AOX1: variants seen among roughly 807,000 people sequenced by gnomAD.
The protein encoded by AOX1 is aldehyde oxidase 1.
Under a neutral mutation model 169.5 loss-of-function variants are expected in AOX1, and 153 were observed. The ratio of observed to expected loss-of-function variants is 0.90; its 90% CI spans 0.79 to 1.03. The LOEUF is 1.03. Ranked by LOEUF, AOX1 falls within the 50% of genes least tolerant of loss-of-function variation. The probability of loss-of-function intolerance (pLI) is 0.00; values close to 1 mark genes in which losing one functional copy is unlikely to be tolerated. For synonymous variants in AOX1, 562 were observed against 581.9 expected (o/e 0.97, Z 0.49); for missense variants, 1,656 against 1,663.9 (o/e 1.00, Z 0.08).
chr2:200,602,595 C>T (rs1394176689), intron 6 of AOX1, among the ~76,000 whole-genome samples: 1 of 152,134 alleles, frequency 6.6e-6, no homozygotes, highest in African/African-American at 2.4e-5. Flanking sequence ...TCCAAGAGGT[C>T]TTTCCTGACC....
chr2:200,659,481 C>T (rs1379158676), intron 28 of AOX1, among the ~76,000 whole-genome samples, 188 bp downstream of exon 28: 2 of 152,308 alleles, frequency 1.3e-5, no homozygotes, highest in South Asian at 2.1e-4. Flanking sequence ...CTCCCTCACT[C>T]CTGACATTTT....
At chr2:200,644,920 T>C (rs1315960177) in intron 25 of AOX1, among the ~76,000 whole-genome samples, 1 of 152,172 alleles carries the variant, frequency 6.6e-6, no homozygotes, top group African/African-American at 2.4e-5. Context: ...TGCTGAATTC[T>C]TTTATCAGTT....
intron 12 of AOX1, 25 bp from the exon 13 acceptor site, chr2:200,611,359 G>A (rs1303964935): frequency 6.6e-7 from 1 of 1,513,830 alleles, no homozygotes; most frequent in East Asian, 2.3e-5. Flanking sequence ...ACAGATCCCA[G>A]GGAAAGTGTC....
intron 19 of AOX1, 89 bp downstream of exon 19, chr2:200,624,072 G>A (rs891884670): frequency 1.3e-6 from 2 of 1,529,512 alleles, no homozygotes; most frequent in Non-Finnish European, 1.8e-6. Context: ...AGGAAAATGT[G>A]GCTCAAAGTG....
intron 20 of AOX1, among the ~76,000 whole-genome samples, chr2:200,629,492 C>T (rs1168631827): frequency 6.6e-6 from 1 of 152,154 alleles, no homozygotes; most frequent in Non-Finnish European, 1.5e-5. Flanking sequence ...AAGATTTTCT[C>T]CTTATAGGAA....
At position 200,638,309 on chromosome 2, in the gene AOX1, A is replaced by C; in HGVS notation, c.2568+7A>C. 1 of 1,612,294 alleles carries C rather than the reference A, an allele frequency of 6.2e-7. No homozygotes were observed. The highest frequency in any genetic ancestry group is 8.5e-7 in the Non-Finnish European group (1 of 1,178,486). ...TTACCTTGGAAAGTACAAAGTGAGT[A>C]CAAGAGGGCATGGAGGAAGGATTTA... On this transcript the variant is annotated splice_region_variant and intron_variant, in intron 23 of 34. Coordinates refer to ENST00000374700, the MANE Select transcript of AOX1 (RefSeq NM_001159.4).
At chr2:200,617,877 A>G (rs982252659) in intron 16 of AOX1, among the ~76,000 whole-genome samples, 5 of 152,210 alleles carry the variant, frequency 3.3e-5, no homozygotes, top group African/African-American at 9.7e-5. Flanking sequence ...AATTCCTACC[A>G]TCTGCAACAT....
rs750314683 is a variant in AOX1 at position 200,612,778 on chromosome 2, A to G, written c.1433A>G (p.Gln478Arg). 2 of 1,613,874 alleles carry G rather than the reference A, an allele frequency of 1.2e-6. No individual in the cohort carries two copies. The highest frequency in any genetic ancestry group is 1.7e-5 in the Admixed American group (1 of 60,012). Residue 478 changes from glutamine (Q) to arginine (R), a missense_variant, in exon 14 of 35, where the codon CAG becomes CGG. Physicochemically the swap from Gln to Arg is conservative, Grantham distance 43. Coordinates refer to ENST00000374700, the MANE Select transcript of AOX1 (RefSeq NM_001159.4). ...PATICAKNSC[Q>R]KLIGRHWNEQ... ...ACCATCTGTGCCAAGAATTCCTGCC[A>G]GAAACTCATTGGAAGGTAAGGCATT...
Position 200,651,101 on chromosome 2 carries a change from CT to C in AOX1, c.2976del (p.Val993TrpfsTer20), listed in dbSNP as rs1196211537. 1.9e-6 allele frequency: 3 copies of C among 1,614,148 alleles called. No homozygotes were observed. The highest frequency in any genetic ancestry group is 2.5e-6 in the Non-Finnish European group (3 of 1,180,010). ...TCTTCCTACTCCTTGAGGAAAGTTG[CT>C]GTGGAAAAGTTCAATGCAGAGAATT... ...AMSSYSLRKV[A>X]VEKFNAENYW... On this transcript the variant is annotated frameshift_variant, in exon 26 of 35. Transcript: ENST00000374700. LOFTEE classifies it high-confidence loss of function.
At chr2:200,614,316 T>C (rs566593747) in intron 15 of AOX1, among the ~76,000 whole-genome samples, 22 of 152,222 alleles carry the variant, frequency 1.4e-4, no homozygotes, top group Non-Finnish European at 2.8e-4. Context: ...CACGTTGAGG[T>C]TGACTTCATG....
At chr2:200,598,520 A>G (rs2034335584) in intron 4 of AOX1, among the ~76,000 whole-genome samples, 1 of 152,290 alleles carries the variant, frequency 6.6e-6, no homozygotes, top group South Asian at 2.1e-4. Context: ...AGAGGTGGGC[A>G]GATCACGAGC....
intron 1 of AOX1, 98 bp from the exon 2 acceptor site, chr2:200,593,048 G>A: frequency 2.2e-6 from 2 of 899,764 alleles, no homozygotes; most frequent in Admixed American, 1.8e-5. Context: ...TGAGTAAAAG[G>A]GCTAATTAAC....
intron 25 of AOX1, among the ~76,000 whole-genome samples, chr2:200,644,557 T>G (rs1031007728): frequency 5.3e-5 from 8 of 152,200 alleles, no homozygotes; most frequent in Non-Finnish European, 8.8e-5. Flanking sequence ...TCATGTGAAC[T>G]TTAGAATTGT....
At chr2:200,611,595 G>C in intron 13 of AOX1, 102 bp downstream of exon 13, 2 of 759,704 alleles carry the variant, frequency 2.6e-6, no homozygotes, top group East Asian at 5.0e-5. Context: ...GTGTTTATGT[G>C]GGAGATAAAG....
At chr2:200,666,087 A>C (rs2035919655) in intron 31 of AOX1, among the ~76,000 whole-genome samples, 1 of 152,252 alleles carries the variant, frequency 6.6e-6, no homozygotes, top group South Asian at 2.1e-4. Flanking sequence ...CTGGAAAGCA[A>C]AGGTGTTACT....
At chr2:200,676,613 AAAAG>A (rs1462375912) in intron 4 of AOX1, among the ~76,000 whole-genome samples, 162 of 151,734 alleles carry the variant, frequency 1.1e-3, no homozygotes, top group Middle Eastern at 3.4e-3. Context: ...AAAAAAAAAA[AAAAG>A]AAGAAGAAGA....
chr2:200,621,124 A>C lies in AOX1; in HGVS notation c.1879A>C (p.Ile627Leu). ...SSRAHAKIVS[I>L]DLSEALSMPG... ...TCTGCTGTGTATATCATCTAGGTCT[A>C]TTGATCTGTCAGAAGCTCTCAGCAT... Residue 627 changes from isoleucine (I) to leucine (L), a missense_variant, in exon 18 of 35, where the codon ATT becomes CTT. Transcript: ENST00000374700. 6.2e-7 allele frequency: 1 copy of C among 1,613,032 alleles called. No individual in the cohort carries two copies. Among genetic ancestry groups the C allele is most frequent in the East Asian group, 2.2e-5 (1 of 44,872 alleles).
chr2:200,659,279 G>T lies in AOX1; in HGVS notation c.3286G>T (p.Gly1096Cys), dbSNP rs139975106. The T allele has an allele frequency of 3.7e-6, 6 of 1,612,868 alleles. No homozygotes were observed. In the East Asian group the frequency reaches 1.3e-4, roughly 36 times the overall value. The change falls in exon 28 of 35, where the codon GGT (glycine) becomes TGT (cysteine). Residue 1096 changes from glycine to cysteine, a missense_variant. Gly to Cys is a radical substitution (Grantham distance 159, BLOSUM62 -3). Coordinates refer to ENST00000374700, the MANE Select transcript of AOX1 (RefSeq NM_001159.4). ...AGGTTCTGTGGTGGCAGATCTCAACGGTTTGGCAGTAAAGGTAACAGTCAC... is the reference window on the plus strand; with the variant it reads ...AGGTTCTGTGGTGGCAGATCTCAACTGTTTGGCAGTAAAGGTAACAGTCAC... The part of the protein sequence containing the change: ...SGGSVVADLN[G>C]LAVKDACQTL...
chr2:200,595,144 T>C (rs2034255302), intron 2 of AOX1, 128 bp from the exon 3 acceptor site: 2 of 496,208 alleles, frequency 4.0e-6, no homozygotes, highest in Non-Finnish European at 7.1e-6. Flanking sequence ...ATAAACACAT[T>C]ATTTGATGAA....
Sources: allele counts gnomAD v4.1 joint callset (sites outside exome capture counted in the v4.1 genomes callset), GRCh38; gene constraint gnomAD v4.1.1; transcripts MANE v1.5; gene names NCBI Gene and HGNC (gene_info 2026-07-23, HGNC 2026-07-21).